CHRDL1: variants seen among roughly 807,000 people sequenced by gnomAD.
The protein encoded by CHRDL1 is chordin like 1.
CHRDL1 carries 19 observed loss-of-function variants against 40.9 expected under a neutral mutation model. The observed-to-expected ratio is 0.46, with a 90% CI of 0.32 to 0.68. The LOEUF is 0.68. CHRDL1 is among the 30% of genes least tolerant of loss of function. The pLI, the probability that CHRDL1 is intolerant of heterozygous loss-of-function variation, is 0.03. For synonymous variants in CHRDL1, 136 were observed against 123.4 expected, an observed-to-expected ratio of 1.10 and a Z score of -0.68; for missense variants, 329 against 352.1, an observed-to-expected ratio of 0.93 and a Z score of 0.53.
rs1377844621 is a variant in CHRDL1, at chrX:110,792,177, CT to C, written c.4del (p.Arg2GlufsTer9). Reference sequence around the variant, plus strand: ...CATGCCTCCCATTTTCCACTTTTTTCTCATTTGGACCACTGCAAAAGGTGAC... The same window carrying C: ...CATGCCTCCCATTTTCCACTTTTTTCCATTTGGACCACTGCAAAAGGTGAC... M[R>X]KKWKMGGMKY... On this transcript the variant is annotated frameshift_variant, in exon 2 of 12. Coordinates refer to ENST00000372042, the MANE Select transcript of CHRDL1 (RefSeq NM_001143981.2). LOFTEE classifies it high-confidence loss of function. 8.7e-7 allele frequency: 1 copy of C among 1,150,486 alleles called. No homozygotes were observed. The highest frequency in any genetic ancestry group is 2.2e-5 in the Admixed American group (1 of 44,926). The allele number at this position is 1,150,486 out of a possible 1,213,427, so 94.8% of individuals were successfully genotyped here. A position where few individuals can be genotyped will look rare whatever the true frequency, so the allele number is the denominator to read the frequency against.
At chrX:110,790,769 T>C (rs766345823) in intron 2 of CHRDL1, among the ~76,000 whole-genome samples, 38 of 109,078 alleles carry the variant, frequency 3.5e-4, no homozygotes, top group Middle Eastern at 4.7e-3. Context: ...GGAAGGCTTC[T>C]GGAAGAGGAG....
At chrX:110,753,384 C>T (rs967060528) in intron 4 of CHRDL1, among the ~76,000 whole-genome samples, 8 of 111,592 alleles carry the variant, frequency 7.2e-5, no homozygotes, top group Admixed American at 9.5e-5. Flanking sequence ...TTCATGGTTA[C>T]CAGGGGCTAG....
At chrX:110,708,780 T>C (rs1021935136) in intron 6 of CHRDL1, among the ~76,000 whole-genome samples, 4 of 111,675 alleles carry the variant, frequency 3.6e-5, no homozygotes, top group African/African-American at 1.3e-4. Flanking sequence ...CCATCCACAC[T>C]CTGCTCTTTC....
At chrX:110,697,725 G>A in intron 7 of CHRDL1, among the ~76,000 whole-genome samples, 1 of 107,294 alleles carries the variant, frequency 9.3e-6, no homozygotes, top group Non-Finnish European at 1.9e-5. Flanking sequence ...ATCAGGGCTT[G>A]GCTGTTGTCC....
At chrX:110,704,768 G>A (rs1056899930) in intron 6 of CHRDL1, among the ~76,000 whole-genome samples, 8 of 110,932 alleles carry the variant, frequency 7.2e-5, no homozygotes, top group Non-Finnish European at 1.5e-4. Flanking sequence ...CTAGAGAGAC[G>A]AATAGAAACC....
At chrX:110,699,474 A>G (rs150225280) in intron 7 of CHRDL1, among the ~76,000 whole-genome samples, 1,176 of 112,173 alleles carry the variant, frequency 0.01, 9 homozygotes, top group South Asian at 0.021. Flanking sequence ...AAAATCAAAT[A>G]TATTTTATTA....
At chrX:110,758,303 CA>C (rs1365862189) in intron 4 of CHRDL1, among the ~76,000 whole-genome samples, 6 of 102,790 alleles carry the variant, frequency 5.8e-5, no homozygotes, top group African/African-American at 2.1e-4. Flanking sequence ...GGACTTATTC[CA>C]AAAAAAACCC....
chrX:110,765,455 A>T (rs943081865), intron 2 of CHRDL1, among the ~76,000 whole-genome samples: 6 of 112,015 alleles, frequency 5.4e-5, no homozygotes, highest in African/African-American at 1.9e-4. Flanking sequence ...TAAGTCCTTA[A>T]TCCATCTTGA....
chrX:110,756,736 T>C (rs1302149710), intron 4 of CHRDL1, among the ~76,000 whole-genome samples: 1 of 111,225 alleles, frequency 9.0e-6, no homozygotes, highest in Non-Finnish European at 1.9e-5. Context: ...CACCCATGGA[T>C]AATGAGCTTT....
At chrX:110,784,682 C>G (rs2170263) in intron 2 of CHRDL1, among the ~76,000 whole-genome samples, 3 of 110,429 alleles carry the variant, frequency 2.7e-5, no homozygotes, top group African/African-American at 9.9e-5. Context: ...ACAGCATGGC[C>G]CTCTCACTAC....
rs1048082334 is a variant in CHRDL1 at position 110,786,656 on chromosome X, T to C, written c.94+5432A>G. On this transcript the variant is annotated intron_variant, in intron 2 of 11. Transcript: ENST00000372042. The stretch of plus-strand genomic sequence containing the variant: ...CTCTTGACTTTAAGCACAGTCCTCT[T>C]TCCATTAAACTATGAAGACATTCCA... Among the ~76,000 whole-genome samples, 5 of 112,351 alleles carry C rather than the reference T, an allele frequency of 4.5e-5. No homozygotes were observed. The Admixed American group carries it at 4.7e-4, about 11-fold the overall frequency.
intron 2 of CHRDL1, among the ~76,000 whole-genome samples, chrX:110,764,866 T>G (rs757530353): frequency 9.0e-6 from 1 of 111,151 alleles, no homozygotes; most frequent in East Asian, 2.8e-4. Context: ...CCTGGTCTCC[T>G]GCAGTACCCT....
chrX:110,674,494 CACACACACACAA>C lies in CHRDL1; in HGVS notation c.*1725_*1736del, dbSNP rs1383536730. ...ACACACACACACACACACACACACACACACACACACAAACTAATGCTTTGTGACCTCTCAACC... is the reference window on the plus strand; with the variant it reads ...ACACACACACACACACACACACACACACTAATGCTTTGTGACCTCTCAACC... On this transcript the variant is annotated 3_prime_UTR_variant, in exon 12 of 12. Transcript: ENST00000372042. The C allele has an allele frequency of 5.2e-4, 57 of 109,503 alleles. No individual in the cohort carries two copies. Among genetic ancestry groups the C allele is most frequent in the African/African-American group, 1.7e-3 (50 of 29,919 alleles). The allele number at this position is 109,503 out of a possible 1,213,427, so 9.0% of individuals were successfully genotyped here. A position where few individuals can be genotyped will look rare whatever the true frequency, so the allele number is the denominator to read the frequency against.
At chrX:110,701,139 C>T (rs2070504813) in intron 6 of CHRDL1, among the ~76,000 whole-genome samples, 1 of 111,379 alleles carries the variant, frequency 9.0e-6, no homozygotes, top group Admixed American at 9.5e-5. Context: ...TATGACACAC[C>T]TTTCTCTAGG....
intron 4 of CHRDL1, among the ~76,000 whole-genome samples, chrX:110,754,091 C>T (rs1268561630): frequency 4.5e-5 from 5 of 112,133 alleles, no homozygotes; most frequent in African/African-American, 1.6e-4. Context: ...TTCCTCTTGC[C>T]TCAGTTGGGC....
intron 1 of CHRDL1, among the ~76,000 whole-genome samples, chrX:110,793,490 T>C (rs1281204182): frequency 1.8e-5 from 2 of 112,129 alleles, no homozygotes; most frequent in Non-Finnish European, 3.8e-5. Flanking sequence ...TCTAAAGACC[T>C]GAGTTCTGAT....
intron 2 of CHRDL1, among the ~76,000 whole-genome samples, chrX:110,782,090 G>A (rs748866517): frequency 8.9e-6 from 1 of 112,248 alleles, no homozygotes; most frequent in Non-Finnish European, 1.9e-5. Flanking sequence ...GATGATAAGT[G>A]TAAAAAGCAG....
intron 8 of CHRDL1, 117 bp downstream of exon 8, chrX:110,694,046 C>A: frequency 1.8e-6 from 1 of 569,288 alleles, no homozygotes; most frequent in Non-Finnish European, 2.9e-6. Flanking sequence ...CTAAGTGAGC[C>A]ACAAGTGAAT....
intron 11 of CHRDL1, among the ~76,000 whole-genome samples, chrX:110,676,988 T>C (rs1048020503): frequency 2.7e-5 from 3 of 111,098 alleles, no homozygotes; most frequent in Non-Finnish European, 3.8e-5. Flanking sequence ...ATGGAATCCC[T>C]TTCCACGCAG....
Sources: gnomAD v4.1 joint callset for allele counts (sites outside exome capture counted in the v4.1 genomes callset) on GRCh38, gnomAD v4.1.1 for gene constraint, MANE v1.5 for transcripts, NCBI Gene and HGNC (gene_info 2026-07-23, HGNC 2026-07-21) for gene names.